Variants in MYO6 observed in about 807,000 individuals in gnomAD.
The protein encoded by MYO6 is unconventional myosin-VI.
A neutral mutation model predicts 178.7 loss-of-function variants in MYO6; 74 were observed. The ratio of observed to expected loss-of-function variants is 0.41; its 90% confidence interval spans 0.34 to 0.50. The LOEUF (loss-of-function observed/expected upper bound fraction) is 0.50. MYO6 is among the 20% of genes least tolerant of loss of function. The probability of loss-of-function intolerance (pLI) is 0.09; values close to 1 mark genes in which losing one functional copy is unlikely to be tolerated. For synonymous variants in MYO6, 477 were observed against 504.6 expected (o/e 0.95, Z 0.73); for missense variants, 1,330 against 1,547.4 (o/e 0.86, Z 2.36).
At chr6:75,775,391 G>A (rs1766281846) in intron 1 of MYO6, among the ~76,000 whole-genome samples, 2 of 152,208 alleles carry the variant, frequency 1.3e-5, no homozygotes, top group African/African-American at 4.8e-5. Flanking sequence ...TGGCACTGGG[G>A]GGTTGGGCTG....
chr6:75,839,761 T>C (rs954655042), intron 7 of MYO6, among the ~76,000 whole-genome samples: 3 of 152,166 alleles, frequency 2.0e-5, no homozygotes, highest in African/African-American at 7.2e-5. Context: ...CCTTAGGTAA[T>C]TCTGTAAACT....
At chr6:75,768,921 G>A (rs561763874) in intron 1 of MYO6, among the ~76,000 whole-genome samples, 1 of 152,312 alleles carries the variant, frequency 6.6e-6, no homozygotes, top group Non-Finnish European at 1.5e-5. Context: ...ATCTGCTTCT[G>A]GTGAGGGCCT....
chr6:75,782,627 C>A (rs892199366), intron 1 of MYO6, among the ~76,000 whole-genome samples: 1 of 152,160 alleles, frequency 6.6e-6, no homozygotes, highest in Non-Finnish European at 1.5e-5. Flanking sequence ...CTGCTTGTTA[C>A]ACTTTTCATT....
At chr6:75,774,663 GAGATTTTCCTTAA>G (rs1213253082) in intron 1 of MYO6, among the ~76,000 whole-genome samples, 3 of 152,172 alleles carry the variant, frequency 2.0e-5, no homozygotes, top group East Asian at 3.9e-4. Context: ...ATATTTGTTA[GAGATTTTCCTTAA>G]AGAGGAAAAT....
At chr6:75,826,532 G>T (rs764186994) in intron 3 of MYO6, among the ~76,000 whole-genome samples, 1 of 152,158 alleles carries the variant, frequency 6.6e-6, no homozygotes, top group Admixed American at 6.5e-5. Context: ...AGGTATTTCA[G>T]AGGAAAGTGA....
chr6:75,849,120 C>A (rs567739962), intron 11 of MYO6, among the ~76,000 whole-genome samples: 1 of 152,126 alleles, frequency 6.6e-6, no homozygotes, highest in Non-Finnish European at 1.5e-5. Flanking sequence ...CAGGGAATGG[C>A]AAACTATGAA....
intron 30 of MYO6, among the ~76,000 whole-genome samples, chr6:75,906,634 C>A (rs1780348162): frequency 1.3e-5 from 2 of 152,142 alleles, no homozygotes; most frequent in South Asian, 4.2e-4. Flanking sequence ...CAAGATTGTA[C>A]CACTGCACTC....
chr6:75,758,587 A>G (rs905041582), intron 1 of MYO6, among the ~76,000 whole-genome samples: 1 of 151,842 alleles, frequency 6.6e-6, no homozygotes, highest in Non-Finnish European at 1.5e-5. Flanking sequence ...CAGCCTCCCA[A>G]GTAGCTGGGA....
chr6:75,751,327 G>T (rs1004546196), intron 1 of MYO6, among the ~76,000 whole-genome samples: 1 of 152,050 alleles, frequency 6.6e-6, no homozygotes, highest in Non-Finnish European at 1.5e-5. Context: ...ATCTTTGTAA[G>T]TTACATTTTT....
intron 3 of MYO6, among the ~76,000 whole-genome samples, chr6:75,827,391 A>G (rs1376866635): frequency 6.6e-6 from 1 of 152,204 alleles, no homozygotes; most frequent in Non-Finnish European, 1.5e-5. Context: ...CAGTCTGTCT[A>G]TGAGTTAGTA....
chr6:75,899,929 C>T (rs1324586254), intron 30 of MYO6, among the ~76,000 whole-genome samples: 5 of 134,562 alleles, frequency 3.7e-5, no homozygotes, highest in African/African-American at 1.4e-4. Flanking sequence ...TGTTCCCCTT[C>T]CTGTGTCCAT....
At position 75,841,285 on chromosome 6, in the gene MYO6, G is replaced by A. The variant is rs1357015308; in HGVS notation, c.723G>A (p.Glu241=). Residue 241 remains glutamate (E), a synonymous_variant, in exon 9 of 35, where the codon GAG becomes GAA. Coordinates refer to ENST00000369977, the MANE Select transcript of MYO6 (RefSeq NM_004999.4). The part of the protein sequence containing the change: ...EKSRICVQGK[E]ERNYHIFYRL... Reference sequence around the variant, plus strand: ...CTAGGATCTGTGTTCAAGGCAAAGAGGAAAGAAATTATCATATCTTTTATA... The same window carrying A: ...CTAGGATCTGTGTTCAAGGCAAAGAAGAAAGAAATTATCATATCTTTTATA... 1.2e-6 allele frequency: 2 copies of A among 1,613,672 alleles called. No homozygotes were observed. Among genetic ancestry groups the A allele is most frequent in the Non-Finnish European group, 8.5e-7 (1 of 1,179,740 alleles).
Position 75,907,036 on chromosome 6 carries a change from G to A in MYO6, c.3177-569G>A, listed in dbSNP as rs529582494. Among the ~76,000 whole-genome samples, 9 of 152,306 alleles carry A rather than the reference G, an allele frequency of 5.9e-5. No individual in the cohort carries two copies. In the South Asian group the frequency reaches 1.9e-3, roughly 32 times the overall value. ...ATCCGTTCTTTTAGCTGACTTGAATGACTCTAATGCAGTGGGTTGCAGGTT... is the reference window on the plus strand; with the variant it reads ...ATCCGTTCTTTTAGCTGACTTGAATAACTCTAATGCAGTGGGTTGCAGGTT... On this transcript the variant is annotated intron_variant, in intron 30 of 34. Transcript: ENST00000369977.
intron 1 of MYO6, among the ~76,000 whole-genome samples, chr6:75,802,984 A>C (rs185674047): frequency 6.6e-6 from 1 of 152,328 alleles, no homozygotes; most frequent in East Asian, 1.9e-4. Context: ...TCTCTTAAAA[A>C]TACAGGGCTT....
intron 1 of MYO6, among the ~76,000 whole-genome samples, chr6:75,800,628 T>C (rs73751014): frequency 0.025 from 3,824 of 152,274 alleles, 153 homozygotes; most frequent in African/African-American, 0.087. Context: ...AAGTTTGAGA[T>C]GGCTGTTGAT....
rs575546555 is a variant in MYO6 at position 75,779,915 on chromosome 6, T to C, written c.-48+30492T>C. On this transcript the variant is annotated intron_variant, in intron 1 of 34. Coordinates refer to ENST00000369977, the MANE Select transcript of MYO6 (RefSeq NM_004999.4). Reference sequence around the variant, plus strand: ...AGTTTCCTTTTTCTTCTTTCCCTTTTAAGCCTGTTTTTATGTGTCCTTATT... The same window carrying C: ...AGTTTCCTTTTTCTTCTTTCCCTTTCAAGCCTGTTTTTATGTGTCCTTATT... Among the ~76,000 whole-genome samples, 11 of 152,334 alleles carry C rather than the reference T, an allele frequency of 7.2e-5. No homozygotes were observed. The South Asian group carries it at 2.3e-3, about 32-fold the overall frequency.
intron 1 of MYO6, among the ~76,000 whole-genome samples, chr6:75,754,780 C>G (rs796902837): frequency 1.2e-4 from 19 of 152,186 alleles, no homozygotes; most frequent in African/African-American, 3.9e-4. Flanking sequence ...ATTTGAAATC[C>G]AAAGACATAT....
intron 10 of MYO6, among the ~76,000 whole-genome samples, chr6:75,845,484 G>T (rs142332340): frequency 6.6e-6 from 1 of 152,178 alleles, no homozygotes; most frequent in East Asian, 1.9e-4. Context: ...TTTGAAGCCA[G>T]GAGTTTGAGA....
In MYO6 at chr6:75,883,012, T is replaced by G. The variant is rs1044364919; in HGVS notation, c.2416+1194T>G. On this transcript the variant is annotated intron_variant, in intron 23 of 34. Coordinates refer to ENST00000369977, the MANE Select transcript of MYO6 (RefSeq NM_004999.4). ...CCCAGAGAACTGAAATCTTGAGAAA[T>G]TTTATCTTTTACAAGTGCAGATGTA... is the stretch of plus-strand genomic sequence containing the variant. 4.6e-5 allele frequency among the ~76,000 whole-genome samples: 7 copies of G among 152,268 alleles called. No homozygotes were observed. In the South Asian group the frequency reaches 8.3e-4, roughly 18 times the overall value.
Sources: allele counts gnomAD v4.1 joint callset (sites outside exome capture counted in the v4.1 genomes callset), GRCh38; gene constraint gnomAD v4.1.1; transcripts MANE v1.5; gene names NCBI Gene and HGNC (gene_info 2026-07-23, HGNC 2026-07-21).